Variants in TULP2 observed in about 807,000 individuals in gnomAD.
TULP2 encodes the protein TUB like protein 2.
TULP2 carries 64 observed loss-of-function variants against 60.3 expected under a neutral mutation model. The ratio of observed to expected loss-of-function variants is 1.06; its 90% CI spans 0.87 to 1.31. The LOEUF (loss-of-function observed/expected upper bound fraction) is 1.31, where lower values mean the gene tolerates loss of function less well. Among genes scored for constraint, TULP2 ranks in the 50% most tolerant of loss-of-function variants. The pLI is 0.00. For missense variants in TULP2, 652 were observed against 667.0 expected (o/e 0.98, Z 0.25); for synonymous variants, 267 against 265.4 (o/e 1.01, Z -0.06).
In TULP2 at chr19:48,897,738, G is replaced by T; in HGVS notation, c.32+99C>A. 7.7e-7 allele frequency: 1 copy of T among 1,304,238 alleles called. No individual in the cohort carries two copies. Among genetic ancestry groups the T allele is most frequent in the Non-Finnish European group, 1.1e-6 (1 of 900,152 alleles). 80.8% of individuals were successfully genotyped at this position (1,304,238 alleles called of 1,614,324 possible). On this transcript the variant is annotated intron_variant, in intron 2 of 12. Transcript: ENST00000221399. The surrounding 1 kb of genome is among the most constrained non-coding windows in gnomAD (Gnocchi z 4.0). ...CCCAGCCCCTTCCTGCAAGGCCGAT[G>T]GTGCTGAACCTGCAAACATGGTTAT...
intron 6 of TULP2, among the ~76,000 whole-genome samples, chr19:48,892,531 T>C (rs1600015987): frequency 6.7e-6 from 1 of 148,354 alleles, no homozygotes; most frequent in Admixed American, 6.8e-5. Context: ...GGGGACGGAG[T>C]CTTGCTCTGT....
chr19:48,885,389 C>G, intron 9 of TULP2, 59 bp downstream of exon 9: 1 of 1,404,610 alleles, frequency 7.1e-7, no homozygotes, highest in South Asian at 1.2e-5. Flanking sequence ...GAAATGGAGT[C>G]CCCCTGTCCC....
intron 12 of TULP2, 76 bp from the exon 13 acceptor site, chr19:48,881,202 T>C (rs1276464611): frequency 4.7e-6 from 2 of 429,206 alleles, no homozygotes; most frequent in Non-Finnish European, 6.6e-6. Context: ...ACTTTTTTTT[T>C]TTTTTTTTCT....
rs748814555 is a variant in TULP2, at chr19:48,895,366, C to T, written c.349G>A (p.Val117Met). Residue 117 changes from valine to methionine, a missense_variant and splice_region_variant, in exon 5 of 13, where the codon GTG becomes ATG. Val to Met is a conservative substitution (Grantham distance 21, BLOSUM62 1). Transcript: ENST00000221399. Reference protein sequence around the residue: ...RGLPTPRTEAVFRNLGLQSPF... With the variant: ...RGLPTPRTEAMFRNLGLQSPF... ...AGGAGGTCGGTGGACTCGCAAATAC[C>T]TGCTTCTGTCCGCGGTGTCGGGAGG... The T allele has an allele frequency of 6.2e-7, 1 of 1,613,578 alleles. No homozygotes were observed. The highest frequency in any genetic ancestry group is 8.5e-7 in the Non-Finnish European group (1 of 1,179,706).
In TULP2 at chr19:48,884,031, G is replaced by T. The variant is rs760128823; in HGVS notation, c.1077C>A (p.Ser359Arg). The T allele has an allele frequency of 6.2e-7, 1 of 1,614,004 alleles. No individual in the cohort carries two copies. Among genetic ancestry groups the T allele is most frequent in the South Asian group, 1.1e-5 (1 of 91,090 alleles). The change falls in exon 10 of 13, where the codon AGC (serine) becomes AGA (arginine). Residue 359 changes from serine (S) to arginine (R), a missense_variant. Transcript: ENST00000221399. Reference sequence around the variant, plus strand: ...CATTGTCAAAGATGGTGAACTTGGTGCTGAAGACATTGGATCTGCTCCAGG... The same window carrying T: ...CATTGTCAAAGATGGTGAACTTGGTTCTGAAGACATTGGATCTGCTCCAGG... ...FVGKVRSNVFSTKFTIFDNGV... is the reference protein window; with the variant it reads ...FVGKVRSNVFRTKFTIFDNGV...
chr19:48,898,542 A>G (rs1265806982), intron 1 of TULP2, 48 bp downstream of exon 1: 3 of 151,768 alleles, frequency 2.0e-5, no homozygotes, highest in African/African-American at 7.3e-5. Context: ...GAGGCTGCTC[A>G]CATTGATGCC....
rs1301463360 is a variant in TULP2 at position 48,898,685 on chromosome 19, T to C, written c.-97A>G. ...GCTCAGAGGGAGGGAGGATTCCCTC[T>C]GGGACCTGAACTGGTCCACTCCCTT... On this transcript the variant is annotated 5_prime_UTR_variant, in exon 1 of 13. Transcript: ENST00000221399. The C allele has an allele frequency of 6.6e-6, 1 of 152,070 alleles. No homozygotes were observed. Among genetic ancestry groups the C allele is most frequent in the Non-Finnish European group, 1.5e-5 (1 of 68,024 alleles). 9.4% of individuals were successfully genotyped at this position (152,070 alleles called of 1,614,324 possible). A position where few individuals can be genotyped will look rare whatever the true frequency, so the allele number is the denominator to read the frequency against.
At chr19:48,882,981 A>G (rs1447841983) in intron 11 of TULP2, among the ~76,000 whole-genome samples, 1 of 152,218 alleles carries the variant, frequency 6.6e-6, no homozygotes, top group African/African-American at 2.4e-5. Context: ...GCACTTTGGG[A>G]GGCCGAGGCG....
At chr19:48,896,642 T>A (rs757321949) in intron 3 of TULP2, 86 bp from the exon 4 acceptor site, 62 of 1,450,394 alleles carry the variant, frequency 4.3e-5, no homozygotes, top group Admixed American at 5.3e-5. Context: ...AGGGCTCGCA[T>A]CGGCGCGAGA....
At chr19:48,888,870 C>T (rs1192068362) in intron 7 of TULP2, among the ~76,000 whole-genome samples, 1 of 152,120 alleles carries the variant, frequency 6.6e-6, no homozygotes, top group Non-Finnish European at 1.5e-5. Flanking sequence ...GATCTGCCTG[C>T]CTCGGCCTTC....
In TULP2 at chr19:48,897,308, G is replaced by A. The variant is rs768772764; in HGVS notation, c.84+37C>T. ...AGGCCCCTGGGGAGGCACAGAAGGCGGAAGAGTTGGAGTGGTGAGATTCCT... is the reference window on the plus strand; with the variant it reads ...AGGCCCCTGGGGAGGCACAGAAGGCAGAAGAGTTGGAGTGGTGAGATTCCT... On this transcript the variant is annotated intron_variant, in intron 3 of 12. Transcript: ENST00000221399. This position sits in a 1 kb window ranked among gnomAD's most constrained non-coding sequence, Gnocchi z 4.0. The A allele has an allele frequency of 1.6e-5, 25 of 1,610,676 alleles. No homozygotes were observed. The highest frequency in any genetic ancestry group is 5.5e-5 in the South Asian group (5 of 90,498).
chr19:48,891,158 C>CA (rs564693397), intron 6 of TULP2, among the ~76,000 whole-genome samples: 28,131 of 113,288 alleles, frequency 0.25, 3,079 homozygotes, highest in Non-Finnish European at 0.3. Context: ...ACTAAAAATA[C>CA]AAAAAAAAAA....
intron 4 of TULP2, among the ~76,000 whole-genome samples, 192 bp downstream of exon 4, chr19:48,896,238 C>CG (rs1458092084): frequency 1.3e-5 from 2 of 152,168 alleles, no homozygotes; most frequent in African/African-American, 4.8e-5. Context: ...GGTCCTGCCG[C>CG]GGGGGGCCCC....
rs1377246778 is a variant in TULP2 at position 48,897,219 on chromosome 19, G to A, written c.84+126C>T. 1.9e-6 allele frequency: 2 copies of A among 1,072,684 alleles called. No homozygotes were observed. The highest frequency in any genetic ancestry group is 2.8e-6 in the Non-Finnish European group (2 of 717,482). 66.4% of individuals were successfully genotyped at this position (1,072,684 alleles called of 1,614,324 possible). A position where few individuals can be genotyped will look rare whatever the true frequency, so the allele number is the denominator to read the frequency against. On this transcript the variant is annotated intron_variant, in intron 3 of 12. Coordinates refer to ENST00000221399, the MANE Select transcript of TULP2 (RefSeq NM_003323.3). The surrounding 1 kb of genome is among the most constrained non-coding windows in gnomAD (Gnocchi z 4.0). ...ATTCCTATTTTCTCATTTCTCAGTG[G>A]GAAAACTCAAGGATGAGAGACAGCC... is the stretch of plus-strand genomic sequence containing the variant.
rs1431842166 is a variant in TULP2 at position 48,897,904 on chromosome 19, C to A, written c.-1-35G>T. On this transcript the variant is annotated intron_variant, in intron 1 of 12. Transcript: ENST00000221399. This position sits in a 1 kb window ranked among gnomAD's most constrained non-coding sequence, Gnocchi z 4.0. Reference sequence around the variant, plus strand: ...CAAGAATGAGGAGTCAGGATCAGAACCAACATCCCAATGGATCCTGCCCAC... The same window carrying A: ...CAAGAATGAGGAGTCAGGATCAGAAACAACATCCCAATGGATCCTGCCCAC... 6.2e-7 allele frequency: 1 copy of A among 1,601,788 alleles called. No individual in the cohort carries two copies. The highest frequency in any genetic ancestry group is 1.3e-5 in the African/African-American group (1 of 74,432).
chr19:48,893,322 A>T (rs1275291745), intron 6 of TULP2, among the ~76,000 whole-genome samples: 1 of 151,268 alleles, frequency 6.6e-6, no homozygotes, highest in Non-Finnish European at 1.5e-5. Context: ...GTGAGCTGAG[A>T]TCGCGCCATT....
chr19:48,893,285 G>A (rs902285264), intron 6 of TULP2, among the ~76,000 whole-genome samples: 8 of 151,558 alleles, frequency 5.3e-5, no homozygotes, highest in African/African-American at 1.5e-4. Context: ...CAGGAGAATC[G>A]CTTGAACCCA....
rs1162608623 is a variant in TULP2, at chr19:48,881,058, A to T, written c.1516T>A (p.Phe506Ile). The T allele has an allele frequency of 6.2e-7, 1 of 1,613,892 alleles. No homozygotes were observed. The highest frequency in any genetic ancestry group is 8.5e-7 in the Non-Finnish European group (1 of 1,179,978). Reference protein sequence around the residue: ...DTFTMDFCFPFSPLQAFSICL... With the variant: ...DTFTMDFCFPISPLQAFSICL... ...ATGCTGAAGGCCTGGAGCGGGCTAA[A>T]TGGAAAGCAGAAGTCCATGGTGAAT... The change falls in exon 13 of 13, where the codon TTT (phenylalanine) becomes ATT (isoleucine). Residue 506 changes from phenylalanine (F) to isoleucine (I), a missense_variant. Coordinates refer to ENST00000221399, the MANE Select transcript of TULP2 (RefSeq NM_003323.3).
At chr19:48,881,217 T>C (rs575402240) in intron 12 of TULP2, 91 bp from the exon 13 acceptor site, 49 of 640,450 alleles carry the variant, frequency 7.7e-5, no homozygotes, top group Non-Finnish European at 1.0e-4. Context: ...TTTTCTTTTT[T>C]TTTTTTTTTT....
Sources: gnomAD v4.1 joint callset for allele counts (sites outside exome capture counted in the v4.1 genomes callset) on GRCh38, gnomAD v4.1.1 for gene constraint, Gnocchi (gnomAD v3.1) non-coding constraint, MANE v1.5 for transcripts, NCBI Gene and HGNC (gene_info 2026-07-23, HGNC 2026-07-21) for gene names.